WASF2: variants seen among roughly 807,000 people sequenced by gnomAD.
WASF2 encodes the protein WASP family member 2, also known as actin-binding protein WASF2.
A neutral mutation model predicts 45.0 loss-of-function variants in WASF2; 14 were observed. The ratio of observed to expected loss-of-function variants is 0.31; its 90% CI spans 0.21 to 0.49. The LOEUF is 0.49. Ranked by LOEUF, WASF2 falls within the 20% of genes least tolerant of loss-of-function variation. The probability of loss-of-function intolerance (pLI) is 0.99; values close to 1 mark genes in which losing one functional copy is unlikely to be tolerated. For synonymous variants in WASF2, 200 were observed against 236.3 expected, an observed-to-expected ratio of 0.85 and a Z score of 1.41; for missense variants, 439 against 636.1, an observed-to-expected ratio of 0.69 and a Z score of 3.33.
chr1:27,433,395 T>C (rs1040898447), intron 1 of WASF2, among the ~76,000 whole-genome samples: 3 of 152,220 alleles, frequency 2.0e-5, no homozygotes, highest in African/African-American at 7.2e-5. Flanking sequence ...ATATAATGAA[T>C]GCCTAATGAC....
At chr1:27,426,374 A>G (rs183795315) in intron 2 of WASF2, among the ~76,000 whole-genome samples, 227 of 152,302 alleles carry the variant, frequency 1.5e-3, no homozygotes, top group African/African-American at 3.9e-3. Context: ...AGTTTAGGTG[A>G]AAGTCAATGA....
At chr1:27,487,596 T>TATATAATATATATTATATATTTTATAC (rs1557626565) in intron 1 of WASF2, among the ~76,000 whole-genome samples, 1 of 78,232 alleles carries the variant, frequency 1.3e-5, no homozygotes, top group Non-Finnish European at 2.2e-5. Context: ...ATATTTTATA[T>TATATAATATATATTATATATTTTATAC]AATATATAAT....
At chr1:27,436,191 A>T (rs1332577536) in intron 1 of WASF2, among the ~76,000 whole-genome samples, 1 of 152,182 alleles carries the variant, frequency 6.6e-6, no homozygotes, top group Non-Finnish European at 1.5e-5. Context: ...CACACCTGTA[A>T]TCCTAATACT....
intron 1 of WASF2, among the ~76,000 whole-genome samples, chr1:27,456,901 G>A (rs537903684): frequency 1.3e-5 from 2 of 151,944 alleles, no homozygotes; most frequent in South Asian, 2.1e-4. Context: ...CGCCACGCCC[G>A]GCAATTTTTT....
Position 27,412,491 on chromosome 1 carries a change from G to A in WASF2, c.824+81C>T, listed in dbSNP as rs1215098124. 1.1e-5 allele frequency: 17 copies of A among 1,574,178 alleles called. No homozygotes were observed. The East Asian group carries it at 1.8e-4, about 17-fold the overall frequency. On this transcript the variant is annotated intron_variant, in intron 7 of 8. Transcript: ENST00000618852. ...CTCCCAAAGAGCTGGGATTACAGGCGTGAGCCACTGCTCCTGGTCCATTCT... is the reference window on the plus strand; with the variant it reads ...CTCCCAAAGAGCTGGGATTACAGGCATGAGCCACTGCTCCTGGTCCATTCT...
intron 1 of WASF2, among the ~76,000 whole-genome samples, chr1:27,472,324 C>CG (rs1349588938): frequency 9.8e-5 from 8 of 81,514 alleles, no homozygotes; most frequent in African/African-American, 3.4e-4. Context: ...GACGCCAACT[C>CG]AAAAAAAAAA....
At chr1:27,472,787 C>T (rs2017708833) in intron 1 of WASF2, among the ~76,000 whole-genome samples, 1 of 146,528 alleles carries the variant, frequency 6.8e-6, no homozygotes, top group Non-Finnish European at 1.5e-5. Flanking sequence ...AAAGCAAGAC[C>T]CCATCTTTAC....
chr1:27,430,339 C>G (rs1003092621), intron 1 of WASF2, among the ~76,000 whole-genome samples: 9 of 152,016 alleles, frequency 5.9e-5, no homozygotes, highest in Non-Finnish European at 1.0e-4. Flanking sequence ...GTTAACATAC[C>G]TAAGTCCTCA....
chr1:27,409,233 G>A (rs2016723733), intron 8 of WASF2, among the ~76,000 whole-genome samples: 1 of 151,556 alleles, frequency 6.6e-6, no homozygotes, highest in African/African-American at 2.4e-5. Flanking sequence ...GACCATCCTG[G>A]CTAACAAAGT....
intron 2 of WASF2, among the ~76,000 whole-genome samples, chr1:27,426,604 G>A (rs778252077): frequency 2.0e-5 from 3 of 150,954 alleles, no homozygotes; most frequent in East Asian, 1.9e-4. Context: ...TCCGCCTCCC[G>A]GATTCAAGCG....
chr1:27,413,931 T>G (rs2251670), intron 6 of WASF2, among the ~76,000 whole-genome samples: 115,852 of 152,134 alleles, frequency 0.76, 47,080 homozygotes, highest in Non-Finnish European at 0.9. Flanking sequence ...TTAAAGCAGA[T>G]CTCTTAATCC....
intron 1 of WASF2, among the ~76,000 whole-genome samples, chr1:27,484,397 A>G (rs2017895175): frequency 6.6e-6 from 1 of 152,238 alleles, no homozygotes; most frequent in Admixed American, 6.5e-5. Flanking sequence ...AATACTCAAA[A>G]TTAAATGTAT....
chr1:27,405,591 AAAG>A lies in WASF2; in HGVS notation c.*2595_*2597del, dbSNP rs1332971038. 2 of 140,086 alleles carry A rather than the reference AAAG, an allele frequency of 1.4e-5. No individual in the cohort carries two copies. Among genetic ancestry groups the A allele is most frequent in the Non-Finnish European group, 1.5e-5 (1 of 66,458 alleles). 8.7% of individuals were successfully genotyped at this position (140,086 alleles called of 1,614,324 possible). On this transcript the variant is annotated 3_prime_UTR_variant, in exon 9 of 9. Coordinates refer to ENST00000618852, the MANE Select transcript of WASF2 (RefSeq NM_006990.5). ...TATCATCTTAAAGGGCTCTGGGTCT[AAAG>A]AAGCCTTTTTTTTTTTTTTTTTTTT...
intron 1 of WASF2, among the ~76,000 whole-genome samples, chr1:27,454,019 T>C (rs984045633): frequency 2.6e-5 from 4 of 151,812 alleles, no homozygotes; most frequent in African/African-American, 7.3e-5. Flanking sequence ...CTTTACTTTA[T>C]AGTTTTATCA....
At chr1:27,463,373 C>A (rs1388677682) in intron 1 of WASF2, among the ~76,000 whole-genome samples, 1 of 151,958 alleles carries the variant, frequency 6.6e-6, no homozygotes, top group African/African-American at 2.4e-5. Flanking sequence ...CACCTGTAAT[C>A]CCAGCACTTT....
intron 1 of WASF2, among the ~76,000 whole-genome samples, chr1:27,451,493 C>CT (rs1410464097): frequency 6.6e-6 from 1 of 152,154 alleles, no homozygotes; most frequent in Non-Finnish European, 1.5e-5. Context: ...CACAGAGAGC[C>CT]TTGTATGCCG....
At chr1:27,461,154 AAAAC>A (rs1000437392) in intron 1 of WASF2, among the ~76,000 whole-genome samples, 1 of 152,158 alleles carries the variant, frequency 6.6e-6, no homozygotes, top group Non-Finnish European at 1.5e-5. Flanking sequence ...TCAAAACACA[AAAAC>A]AAACAACAAA....
chr1:27,466,313 T>C (rs1224309803), intron 1 of WASF2, among the ~76,000 whole-genome samples: 1 of 152,240 alleles, frequency 6.6e-6, no homozygotes, highest in Non-Finnish European at 1.5e-5. Flanking sequence ...AATGAAATCA[T>C]GGATCTAGGT....
At chr1:27,480,439 C>T (rs1225414144) in intron 1 of WASF2, among the ~76,000 whole-genome samples, 1 of 151,642 alleles carries the variant, frequency 6.6e-6, no homozygotes, top group Non-Finnish European at 1.5e-5. Context: ...ATCGCTTGGA[C>T]CCGGGAGGCA....
Sources: allele counts gnomAD v4.1 joint callset (sites outside exome capture counted in the v4.1 genomes callset), GRCh38; gene constraint gnomAD v4.1.1; transcripts MANE v1.5; gene names NCBI Gene and HGNC (gene_info 2026-07-23, HGNC 2026-07-21).